Variants in GRAMD4 observed in about 807,000 individuals in gnomAD.
The protein encoded by GRAMD4 is GRAM domain containing 4.
In GRAMD4, 25 loss-of-function variants were observed where a neutral mutation model predicts 83.9. That is an observed-to-expected ratio of 0.30 (90% confidence interval 0.22 to 0.42). GRAMD4 has a LOEUF of 0.42. GRAMD4 is among the 10% of genes least tolerant of loss of function. The pLI is 1.00. For missense variants in GRAMD4, 593 were observed against 788.7 expected (o/e 0.75, Z 2.97); for synonymous variants, 336 against 320.9 (o/e 1.05, Z -0.50).
chr22:46,611,206 A>C (rs899544076), intron 1 of GRAMD4, among the ~76,000 whole-genome samples: 3 of 142,750 alleles, frequency 2.1e-5, no homozygotes, highest in Non-Finnish European at 4.6e-5. Flanking sequence ...ACAGGAGCGA[A>C]ACTCCATCTC....
At chr22:46,619,165 A>T (rs901460946), upstream of GRAMD4, among the ~76,000 whole-genome samples, 7 of 152,180 alleles carry the variant, frequency 4.6e-5, no homozygotes, top group African/African-American at 1.7e-4. Context: ...CTTGAGGCTG[A>T]TGTTGGAACA....
At chr22:46,631,120 T>C (rs55815638) in intron 2 of GRAMD4, among the ~76,000 whole-genome samples, 40,291 of 152,244 alleles carry the variant, frequency 0.26, 5,876 homozygotes, top group East Asian at 0.56. Flanking sequence ...TTTGCACACA[T>C]GTAGGCTTCA....
downstream of GRAMD4, among the ~76,000 whole-genome samples, chr22:46,681,487 C>T (rs762347866): frequency 3.3e-5 from 5 of 152,324 alleles, no homozygotes; most frequent in East Asian, 1.9e-4. Context: ...CCTTACTCAG[C>T]GGCATCTCTC....
chr22:46,628,098 G>T (rs1450036531), intron 2 of GRAMD4, among the ~76,000 whole-genome samples: 1 of 152,244 alleles, frequency 6.6e-6, no homozygotes, highest in African/African-American at 2.4e-5. Context: ...TCCGATGGTG[G>T]TCTGTGTGCT....
intron 10 of GRAMD4, 76 bp downstream of exon 10, chr22:46,666,949 C>A: frequency 9.3e-7 from 1 of 1,078,120 alleles, no homozygotes; most frequent in South Asian, 1.5e-5. Context: ...AGGCACCGCT[C>A]GGGGAAGCCT....
intron 3 of GRAMD4, among the ~76,000 whole-genome samples, chr22:46,645,930 A>G (rs1050890886): frequency 1.6e-4 from 25 of 152,188 alleles, no homozygotes; most frequent in Non-Finnish European, 2.8e-4. Flanking sequence ...GAGATTCCCC[A>G]GGGTTGTAAG....
At chr22:46,585,404 G>A (rs554743489) in intron 1 of GRAMD4, among the ~76,000 whole-genome samples, 3 of 152,228 alleles carry the variant, frequency 2.0e-5, no homozygotes, top group African/African-American at 7.2e-5. Flanking sequence ...TGGTCAGGCT[G>A]GTCTCAAACT....
chr22:46,578,093 C>T (rs1171800568), intron 1 of GRAMD4, among the ~76,000 whole-genome samples: 1 of 152,208 alleles, frequency 6.6e-6, no homozygotes, highest in African/African-American at 2.4e-5. Context: ...TCCCCCAGAG[C>T]CAAGTCCACT....
chr22:46,673,137 T>C lies in GRAMD4; in HGVS notation c.1239+140T>C, dbSNP rs2542029. On this transcript the variant is annotated intron_variant, in intron 14 of 18. Coordinates refer to ENST00000406902, the MANE Select transcript of GRAMD4 (RefSeq NM_015124.5). Reference sequence around the variant, plus strand: ...TTTATAGACTCCTTAAACTTGAGGGTTTTTTTTTTCCCTGTTACCACTGCG... The same window carrying C: ...TTTATAGACTCCTTAAACTTGAGGGCTTTTTTTTTCCCTGTTACCACTGCG... 4.6e-6 allele frequency: 3 copies of C among 655,118 alleles called. No individual in the cohort carries two copies. In the South Asian group the frequency reaches 6.9e-5, roughly 15 times the overall value. 40.6% of individuals were successfully genotyped at this position (655,118 alleles called of 1,614,324 possible). A position where few individuals can be genotyped will look rare whatever the true frequency, so the allele number is the denominator to read the frequency against.
At position 46,603,201 on chromosome 22, in the gene GRAMD4, G is replaced by GTTTTT. The variant is rs569545888; in HGVS notation, c.-49-23530_-49-23526dup. Among the ~76,000 whole-genome samples, 28 of 89,428 alleles carry GTTTTT rather than the reference G, an allele frequency of 3.1e-4. 2 individuals are homozygous for GTTTTT. The highest frequency in any genetic ancestry group is 1.1e-3 in the African/African-American group (24 of 21,284). The allele number at this position is 89,428 out of a possible 152,430, so 58.7% of individuals were successfully genotyped here. On this transcript the variant is annotated intron_variant, in intron 1 of 1. Transcript: ENST00000431155. ...TTTTTAACATAACGTATCTTCTCTT[G>GTTTTT]TTTTTTTTTTTTTTTTTTTTTTTTG... is the stretch of plus-strand genomic sequence containing the variant.
rs368457759 is a variant in GRAMD4 at position 46,672,355 on chromosome 22, G to T, written c.1085-488G>T. 8.5e-5 allele frequency among the ~76,000 whole-genome samples: 13 copies of T among 152,068 alleles called. No individual in the cohort carries two copies. The highest frequency in any genetic ancestry group is 5.8e-4 in the East Asian group (3 of 5,162). On this transcript the variant is annotated intron_variant, in intron 13 of 18. Coordinates refer to ENST00000406902, the MANE Select transcript of GRAMD4 (RefSeq NM_015124.5). The surrounding 1 kb of genome is among the most constrained non-coding windows in gnomAD (Gnocchi z 4.7). The stretch of plus-strand genomic sequence containing the variant: ...GCAGCTGGTCATGGGCGGCCTCTCA[G>T]CAGGGATGGGCTGGGCGTGGGGGGG...
At chr22:46,613,624 C>G (rs567952184) in intron 1 of GRAMD4, among the ~76,000 whole-genome samples, 7 of 152,184 alleles carry the variant, frequency 4.6e-5, no homozygotes, top group Admixed American at 2.0e-4. Context: ...CAGAGGGCAT[C>G]GCTTGGGCAG....
At chr22:46,660,654 G>T (rs2082313227) in intron 4 of GRAMD4, among the ~76,000 whole-genome samples, 1 of 152,180 alleles carries the variant, frequency 6.6e-6, no homozygotes, top group Admixed American at 6.5e-5. Context: ...CTCCATTGTG[G>T]ATCCAAAGTC....
At chr22:46,679,968 G>T (rs759247255), downstream of GRAMD4, among the ~76,000 whole-genome samples, 2 of 152,240 alleles carry the variant, frequency 1.3e-5, no homozygotes, top group Non-Finnish European at 2.9e-5. Flanking sequence ...GGGGTGAGGT[G>T]GGGCTGAGAA....
At position 46,679,784 on chromosome 22, in the gene GRAMD4, A is replaced by G; in HGVS notation, c.*2533A>G. ...AAATAAACCTAAAATGCTTTGTGCT[A>G]AGGCTCAGGGCTGTCTGCCTCCTTG... On this transcript the variant is annotated 3_prime_UTR_variant, in exon 19 of 19. Transcript: ENST00000406902. 1 of 984,118 alleles carries G rather than the reference A, an allele frequency of 1.0e-6. No homozygotes were observed. Among genetic ancestry groups the G allele is most frequent in the Non-Finnish European group, 1.2e-6 (1 of 828,584 alleles). The allele number at this position is 984,118 out of a possible 1,614,324, so 61.0% of individuals were successfully genotyped here. A position where few individuals can be genotyped will look rare whatever the true frequency, so the allele number is the denominator to read the frequency against.
downstream of GRAMD4, among the ~76,000 whole-genome samples, chr22:46,680,792 A>G (rs1325204222): frequency 3.1e-5 from 3 of 97,732 alleles, no homozygotes; most frequent in Non-Finnish European, 5.9e-5. Flanking sequence ...CCACCCACCT[A>G]TCCATTCACC....
chr22:46,634,608 A>G (rs957411302), intron 2 of GRAMD4, among the ~76,000 whole-genome samples: 1 of 152,188 alleles, frequency 6.6e-6, no homozygotes, highest in African/African-American at 2.4e-5. Flanking sequence ...GCAAGCAGGT[A>G]GTGCGTGGCC....
intron 14 of GRAMD4, 151 bp downstream of exon 14, chr22:46,673,148 CCT>C (rs893196956): frequency 1.4e-6 from 1 of 692,038 alleles, no homozygotes; most frequent in African/African-American, 1.8e-5. Flanking sequence ...TTTTTTTTTC[CCT>C]GTTACCACTG....
intron 1 of GRAMD4, among the ~76,000 whole-genome samples, chr22:46,584,230 G>T (rs1401558468): frequency 2.0e-5 from 3 of 152,026 alleles, no homozygotes; most frequent in African/African-American, 7.3e-5. Flanking sequence ...GGGAGCCCGG[G>T]TTCCTTTTGT....
Sources: allele counts gnomAD v4.1 joint callset (sites outside exome capture counted in the v4.1 genomes callset), GRCh38; gene constraint gnomAD v4.1.1; non-coding constraint Gnocchi (gnomAD v3.1); transcripts MANE v1.5; gene names NCBI Gene and HGNC (gene_info 2026-07-23, HGNC 2026-07-21).